The following CADM1 variants were observed in gnomAD, a reference collection of about 807,000 sequenced individuals.
CADM1 encodes TSLC-1.
In CADM1, 15 loss-of-function variants were observed where a neutral mutation model predicts 53.1. That is an observed-to-expected ratio of 0.28 (90% CI 0.19 to 0.44). CADM1 has a LOEUF of 0.44. Among genes scored for constraint, CADM1 ranks in the 20% least tolerant of loss-of-function variants. The pLI, the probability that CADM1 is intolerant of heterozygous loss-of-function variation, is 1.00. For missense variants in CADM1, 434 were observed against 611.3 expected, an observed-to-expected ratio of 0.71 and a Z score of 3.06; for synonymous variants, 281 against 243.0, an observed-to-expected ratio of 1.16 and a Z score of -1.45.
chr11:115,474,865 TGA>T (rs1330508597), intron 1 of CADM1, among the ~76,000 whole-genome samples: 1 of 152,076 alleles, frequency 6.6e-6, no homozygotes, highest in Non-Finnish European at 1.5e-5. Context: ...AAAACCATAA[TGA>T]GATATCTCTA....
intron 1 of CADM1, among the ~76,000 whole-genome samples, chr11:115,306,424 C>G (rs1394784239): frequency 3.3e-5 from 5 of 151,930 alleles, no homozygotes; most frequent in Admixed American, 1.3e-4. Flanking sequence ...TAGAATGTAT[C>G]CCTGTTGTTA....
In CADM1 at chr11:115,306,730, T is replaced by C. The variant is rs193097871; in HGVS notation, c.125-66310A>G. Among the ~76,000 whole-genome samples, 11 of 152,100 alleles carry C rather than the reference T, an allele frequency of 7.2e-5. No homozygotes were observed. In the East Asian group the frequency reaches 2.1e-3, roughly 29 times the overall value. ...TATCTCCCCTGACTAAACTTAGAAG[T>C]TAACCAAAGCTTTAATACAAGGGAA... On this transcript the variant is annotated intron_variant, in intron 1 of 11. Coordinates refer to ENST00000331581, the MANE Select transcript of CADM1 (RefSeq NM_001301043.2).
At chr11:115,475,443 C>A (rs1156433464) in intron 1 of CADM1, among the ~76,000 whole-genome samples, 1 of 152,114 alleles carries the variant, frequency 6.6e-6, no homozygotes, top group East Asian at 1.9e-4. Context: ...GAAATGAAAA[C>A]TTATGGCTCA....
chr11:115,420,832 G>C (rs893759092), intron 1 of CADM1, among the ~76,000 whole-genome samples: 3 of 152,144 alleles, frequency 2.0e-5, no homozygotes, highest in African/African-American at 7.2e-5. Flanking sequence ...TGTAGGATGA[G>C]GGCCAAAGAA....
intron 1 of CADM1, among the ~76,000 whole-genome samples, chr11:115,461,408 G>A (rs577881777): frequency 2.0e-5 from 3 of 152,232 alleles, no homozygotes; most frequent in South Asian, 2.1e-4. Flanking sequence ...GTGGAGAATC[G>A]CAAGTTAGGA....
Position 115,170,443 on chromosome 11 carries a change from A to G in CADM1, c.*6031T>C, listed in dbSNP as rs4938181. The G allele has an allele frequency of 0.46, 69,260 of 151,968 alleles. 17,119 individuals are homozygous for G. The highest frequency in any genetic ancestry group is 0.55 in the Non-Finnish European group (37,588 of 67,956). 9.4% of individuals were successfully genotyped at this position (151,968 alleles called of 1,614,324 possible). A position where few individuals can be genotyped will look rare whatever the true frequency, so the allele number is the denominator to read the frequency against. On this transcript the variant is annotated 3_prime_UTR_variant, in exon 12 of 12. Coordinates refer to ENST00000331581, the MANE Select transcript of CADM1 (RefSeq NM_001301043.2). ...AGTAGACATTTTATGTTTTTTGGGA[A>G]TGAAAAAAATAAATAAAAACATAAA... is the stretch of plus-strand genomic sequence containing the variant.
intron 1 of CADM1, among the ~76,000 whole-genome samples, chr11:115,422,064 A>T (rs1222918155): frequency 6.6e-6 from 1 of 152,210 alleles, no homozygotes; most frequent in Non-Finnish European, 1.5e-5. Flanking sequence ...AAAATAAATT[A>T]AAGGACATCT....
intron 1 of CADM1, among the ~76,000 whole-genome samples, chr11:115,339,594 T>G (rs1421679258): frequency 6.6e-6 from 1 of 152,180 alleles, no homozygotes; most frequent in Non-Finnish European, 1.5e-5. Context: ...TTCTGCCTCT[T>G]CACTAATTTT....
chr11:115,502,902 C>T (rs1949760519), intron 1 of CADM1, among the ~76,000 whole-genome samples: 2 of 152,188 alleles, frequency 1.3e-5, no homozygotes, highest in African/African-American at 4.8e-5. Context: ...ACGCTGTGCC[C>T]GCCCGGGCCT....
chr11:115,499,795 A>T (rs1307463035), intron 1 of CADM1, among the ~76,000 whole-genome samples: 1 of 152,276 alleles, frequency 6.6e-6, no homozygotes, highest in Non-Finnish European at 1.5e-5. Flanking sequence ...TTCCATGATT[A>T]TAAGAATCTC....
At chr11:115,293,438 G>GA (rs796127566) in intron 1 of CADM1, among the ~76,000 whole-genome samples, 48 of 146,844 alleles carry the variant, frequency 3.3e-4, no homozygotes, top group Middle Eastern at 3.5e-3. Context: ...GTCTCAAAAA[G>GA]AAAAAAAAAA....
At chr11:115,461,931 T>C (rs529639338) in intron 1 of CADM1, among the ~76,000 whole-genome samples, 1 of 151,760 alleles carries the variant, frequency 6.6e-6, no homozygotes, top group East Asian at 1.9e-4. Context: ...ACACTTGAAG[T>C]TGTGAGAGGG....
chr11:115,371,207 G>A (rs1173110766), intron 1 of CADM1, among the ~76,000 whole-genome samples: 1 of 151,996 alleles, frequency 6.6e-6, no homozygotes, highest in East Asian at 1.9e-4. Flanking sequence ...ATTTTTAAAA[G>A]ATAAATTGAA....
At chr11:115,381,719 C>T (rs1028191764) in intron 1 of CADM1, among the ~76,000 whole-genome samples, 4 of 152,204 alleles carry the variant, frequency 2.6e-5, no homozygotes, top group African/African-American at 9.7e-5. Flanking sequence ...ATTCCCTCCC[C>T]TCCACAATTA....
chr11:115,231,815 C>T (rs1197542254), intron 3 of CADM1, among the ~76,000 whole-genome samples: 2 of 152,026 alleles, frequency 1.3e-5, no homozygotes, highest in African/African-American at 4.8e-5. Flanking sequence ...GGAGAAACCC[C>T]ATCTCTATTA....
At chr11:115,224,886 A>G (rs1941545123) in intron 5 of CADM1, among the ~76,000 whole-genome samples, 1 of 152,208 alleles carries the variant, frequency 6.6e-6, no homozygotes, top group South Asian at 2.1e-4. Flanking sequence ...ACACTCTGCT[A>G]TAATCAACCA....
In CADM1 at chr11:115,284,087, A is replaced by ACTCTCTCTCTCTCTCTCTCTCTCTCT. The variant is rs141079093; in HGVS notation, c.125-43693_125-43668dup. Reference sequence around the variant, plus strand: ...AGGGTGAAGATCTACAAGCCCAGACACTCTCTCTCTCTCTCTCTCTCTCTC... The same window carrying ACTCTCTCTCTCTCTCTCTCTCTCTCT: ...AGGGTGAAGATCTACAAGCCCAGACACTCTCTCTCTCTCTCTCTCTCTCTCTCTCTCTCTCTCTCTCTCTCTCTCTC... On this transcript the variant is annotated intron_variant, in intron 1 of 11. Coordinates refer to ENST00000331581, the MANE Select transcript of CADM1 (RefSeq NM_001301043.2). 2.0e-3 allele frequency among the ~76,000 whole-genome samples: 96 copies of ACTCTCTCTCTCTCTCTCTCTCTCTCT among 47,492 alleles called. 4 individuals are homozygous for ACTCTCTCTCTCTCTCTCTCTCTCTCT. Among genetic ancestry groups the ACTCTCTCTCTCTCTCTCTCTCTCTCT allele is most frequent in the Non-Finnish European group, 2.3e-3 (64 of 27,242 alleles). The allele number at this position is 47,492 out of a possible 152,430, so 31.2% of individuals were successfully genotyped here.
chr11:115,304,767 C>T (rs953036906), intron 1 of CADM1, among the ~76,000 whole-genome samples: 2 of 151,848 alleles, frequency 1.3e-5, no homozygotes, highest in African/African-American at 4.8e-5. Context: ...ATGTTAAATT[C>T]ACAACTCAAA....
intron 10 of CADM1, 60 bp downstream of exon 10, chr11:115,190,828 A>G: frequency 1.4e-6 from 2 of 1,411,588 alleles, no homozygotes; most frequent in Non-Finnish European, 1.9e-6. Flanking sequence ...ATTTTGTAGA[A>G]GTGGATAGAG....
Sources: gnomAD v4.1 joint callset for allele counts (sites outside exome capture counted in the v4.1 genomes callset) on GRCh38, gnomAD v4.1.1 for gene constraint, MANE v1.5 for transcripts, NCBI Gene and HGNC (gene_info 2026-07-23, HGNC 2026-07-21) for gene names.